GUCY1B1: variants seen among roughly 807,000 people sequenced by gnomAD.
GUCY1B1 encodes guanylate cyclase 1 soluble subunit beta 1, also known as guanylate cyclase soluble subunit beta-1.
In GUCY1B1, 43 loss-of-function variants were observed where a neutral mutation model predicts 71.0. That is an observed-to-expected ratio of 0.61 (90% confidence interval 0.47 to 0.78). The LOEUF is 0.78. Ranked by LOEUF, GUCY1B1 falls within the 30% of genes least tolerant of loss-of-function variation. GUCY1B1 has a pLI of 0.00. For missense variants in GUCY1B1, 535 were observed against 754.1 expected, an observed-to-expected ratio of 0.71 and a Z score of 3.40; for synonymous variants, 266 against 259.7, an observed-to-expected ratio of 1.02 and a Z score of -0.23.
chr4:155,759,931 G>A, intron 2 of GUCY1B1, 71 bp downstream of exon 2: 1 of 1,140,364 alleles, frequency 8.8e-7, no homozygotes, highest in Non-Finnish European at 1.3e-6. Flanking sequence ...CGCCTCGCCT[G>A]GTCCTCAGCC....
intron 8 of GUCY1B1, among the ~76,000 whole-genome samples, chr4:155,797,754 A>AATAATAATAATAATAATAATC (rs1421105888): frequency 6.7e-6 from 1 of 149,582 alleles, no homozygotes; most frequent in Admixed American, 6.7e-5. Flanking sequence ...TAATAATAAT[A>AATAATAATAATAATAATAATC]ATAATAATAT....
chr4:155,797,371 C>T (rs1739625982), intron 8 of GUCY1B1, among the ~76,000 whole-genome samples: 2 of 152,264 alleles, frequency 1.3e-5, no homozygotes, highest in African/African-American at 4.8e-5. Flanking sequence ...AAATGTAATA[C>T]ACTTTGTAAC....
Position 155,802,235 on chromosome 4 carries a change from G to C in GUCY1B1, c.1176-107G>C. ...TAGAGGATGTCCTGCTAGAATCCAG[G>C]CCTTTAAAGTACAAACGACACTGAT... On this transcript the variant is annotated intron_variant, in intron 9 of 13. Coordinates refer to ENST00000264424, the MANE Select transcript of GUCY1B1 (RefSeq NM_000857.5). This position sits in a 1 kb window ranked among gnomAD's most constrained non-coding sequence, Gnocchi z 4.3. 1 of 1,544,964 alleles carries C rather than the reference G, an allele frequency of 6.5e-7. No individual in the cohort carries two copies.
rs774272285 is a variant in GUCY1B1 at position 155,802,399 on chromosome 4, A to C, written c.1233A>C (p.Pro411=). 6.2e-7 allele frequency: 1 copy of C among 1,613,598 alleles called. No homozygotes were observed. The highest frequency in any genetic ancestry group is 2.2e-5 in the East Asian group (1 of 44,866). Residue 411 remains proline (P), a synonymous_variant, in exon 10 of 14, where the codon CCA becomes CCC. Transcript: ENST00000264424. The surrounding 1 kb of genome is among the most constrained non-coding windows in gnomAD (Gnocchi z 4.3). ...CCAATGAGCTGCGGCACAAGCGTCC[A>C]GTGCCTGCCAAAAGATATGACAATG... ...SVANELRHKR[P]VPAKRYDNVT... is the part of the protein sequence containing the mutation.
intron 4 of GUCY1B1, among the ~76,000 whole-genome samples, chr4:155,783,712 T>C (rs546520412): frequency 4.3e-4 from 65 of 152,314 alleles, no homozygotes; most frequent in Non-Finnish European, 7.6e-4. Flanking sequence ...TCTTAAATGT[T>C]TGTGCAAAGG....
intron 2 of GUCY1B1, among the ~76,000 whole-genome samples, chr4:155,760,487 A>G (rs181086158): frequency 0.012 from 1,329 of 114,024 alleles, 19 homozygotes; most frequent in African/African-American, 0.041. Flanking sequence ...TAACAGTTCT[A>G]GGAGGCATTC....
intron 2 of GUCY1B1, among the ~76,000 whole-genome samples, chr4:155,766,491 T>C (rs1737343690): frequency 6.6e-6 from 1 of 152,224 alleles, no homozygotes; most frequent in East Asian, 1.9e-4. Flanking sequence ...GTATTCATTA[T>C]AGTATTGTTA....
chr4:155,780,812 A>G (rs560024149), intron 4 of GUCY1B1, among the ~76,000 whole-genome samples: 1 of 152,324 alleles, frequency 6.6e-6, no homozygotes, highest in South Asian at 2.1e-4. Context: ...TTTCCTTTTC[A>G]GGTGAACATC....
chr4:155,789,345 C>T (rs1420210955), intron 4 of GUCY1B1, among the ~76,000 whole-genome samples: 1 of 152,216 alleles, frequency 6.6e-6, no homozygotes, highest in East Asian at 1.9e-4. Context: ...TTTGGCCATT[C>T]CCTGTTGTTG....
intron 4 of GUCY1B1, 74 bp from the exon 5 acceptor site, chr4:155,789,640 A>G (rs1001639457): frequency 1.5e-5 from 13 of 845,056 alleles, no homozygotes; most frequent in Non-Finnish European, 2.5e-5. Context: ...ACTCGTTTTC[A>G]TATCTTGCTT....
chr4:155,768,168 A>G (rs568815099), intron 2 of GUCY1B1, among the ~76,000 whole-genome samples: 2 of 152,236 alleles, frequency 1.3e-5, no homozygotes, highest in South Asian at 2.1e-4. Flanking sequence ...CCATTTCAAA[A>G]TACTCCATGG....
intron 1 of GUCY1B1, 21 bp downstream of exon 1, chr4:155,759,164 G>C: frequency 6.4e-7 from 1 of 1,573,426 alleles, no homozygotes; most frequent in South Asian, 1.2e-5. Context: ...TCAGCCGGGT[G>C]CGGCCCGAAC....
chr4:155,771,054 G>T (rs1470051658), intron 2 of GUCY1B1, among the ~76,000 whole-genome samples: 1 of 151,974 alleles, frequency 6.6e-6, no homozygotes, highest in African/African-American at 2.4e-5. Flanking sequence ...AAAGTGCTTG[G>T]ACATAATAGG....
At chr4:155,781,106 T>C (rs973170030) in intron 4 of GUCY1B1, among the ~76,000 whole-genome samples, 8 of 152,176 alleles carry the variant, frequency 5.3e-5, no homozygotes, top group African/African-American at 1.9e-4. Flanking sequence ...TACCATACCA[T>C]TGTTTTTACT....
intron 2 of GUCY1B1, among the ~76,000 whole-genome samples, chr4:155,765,474 C>A (rs367665382): frequency 6.6e-6 from 1 of 152,086 alleles, no homozygotes; most frequent in South Asian, 2.1e-4. Flanking sequence ...TTGTTTATGT[C>A]TAGCAAAATG....
Position 155,759,155 on chromosome 4 carries a change from C to T in GUCY1B1, c.3+12C>T. 1 of 1,580,338 alleles carries T rather than the reference C, an allele frequency of 6.3e-7. No individual in the cohort carries two copies. Among genetic ancestry groups the T allele is most frequent in the Non-Finnish European group, 8.6e-7 (1 of 1,163,918 alleles). ...GTGCAGACACCATGGTAAGTGCTCT[C>T]AGCCGGGTGCGGCCCGAACCTCACC... On this transcript the variant is annotated intron_variant, in intron 1 of 13. Transcript: ENST00000264424.
chr4:155,769,802 T>C (rs1378342543), intron 2 of GUCY1B1, among the ~76,000 whole-genome samples: 1 of 152,122 alleles, frequency 6.6e-6, no homozygotes, highest in Non-Finnish European at 1.5e-5. Flanking sequence ...GTGGTTTTTC[T>C]CACATGTAAA....
intron 2 of GUCY1B1, among the ~76,000 whole-genome samples, chr4:155,762,597 T>C (rs978205233): frequency 6.6e-6 from 1 of 152,148 alleles, no homozygotes; most frequent in African/African-American, 2.4e-5. Context: ...AGTATCCACT[T>C]ACACTCTTAC....
Position 155,802,138 on chromosome 4 carries a change from T to A in GUCY1B1, c.1176-204T>A. ...TGGGCTTGCGGATGTCTTATGTGAT[T>A]AGGATGAACAAATAATTTATGTTTT... On this transcript the variant is annotated intron_variant, in intron 9 of 13. Coordinates refer to ENST00000264424, the MANE Select transcript of GUCY1B1 (RefSeq NM_000857.5). This position sits in a 1 kb window ranked among gnomAD's most constrained non-coding sequence, Gnocchi z 4.3. 8.2e-7 allele frequency: 1 copy of A among 1,223,174 alleles called. No homozygotes were observed. The highest frequency in any genetic ancestry group is 1.1e-6 in the Non-Finnish European group (1 of 903,560). The allele number at this position is 1,223,174 out of a possible 1,614,324, so 75.8% of individuals were successfully genotyped here. A position where few individuals can be genotyped will look rare whatever the true frequency, so the allele number is the denominator to read the frequency against.
Sources: allele counts gnomAD v4.1 joint callset (sites outside exome capture counted in the v4.1 genomes callset), GRCh38; gene constraint gnomAD v4.1.1; non-coding constraint Gnocchi (gnomAD v3.1); transcripts MANE v1.5; gene names NCBI Gene and HGNC (gene_info 2026-07-23, HGNC 2026-07-21).